Variants in EIF2AK1 observed in about 807,000 individuals in gnomAD.
The protein encoded by EIF2AK1 is eukaryotic translation initiation factor 2 alpha kinase 1.
Under a neutral mutation model 77.9 loss-of-function variants are expected in EIF2AK1, and 54 were observed. That is an observed-to-expected ratio of 0.69 (90% confidence interval 0.56 to 0.87). The LOEUF is 0.87. EIF2AK1 is among the 40% of genes least tolerant of loss of function. The pLI is 0.00. For missense variants in EIF2AK1, 810 were observed against 768.6 expected (o/e 1.05, Z -0.64); for synonymous variants, 314 against 290.5 (o/e 1.08, Z -0.82).
In EIF2AK1 at chr7:6,022,795, G is replaced by C. The variant is rs1340321738; in HGVS notation, c.*1878C>G. ...CACATTCAAGAACTTACCATCATAG[G>C]GACACTGAAGTTATCTTCTCATATG... On this transcript the variant is annotated 3_prime_UTR_variant, in exon 15 of 15. Transcript: ENST00000199389. 1 of 153,722 alleles carries C rather than the reference G, an allele frequency of 6.5e-6. No homozygotes were observed. Among genetic ancestry groups the C allele is most frequent in the Non-Finnish European group, 1.4e-5 (1 of 69,210 alleles). 9.5% of individuals were successfully genotyped at this position (153,722 alleles called of 1,614,324 possible).
Position 6,028,978 on chromosome 7 carries a change from CAA to C in EIF2AK1, c.1385_1386del (p.Phe462TrpfsTer44). 1 of 1,612,614 alleles carries C rather than the reference CAA, an allele frequency of 6.2e-7. No individual in the cohort carries two copies. The highest frequency in any genetic ancestry group is 8.5e-7 in the Non-Finnish European group (1 of 1,179,740). On this transcript the variant is annotated frameshift_variant, in exon 12 of 15. Coordinates refer to ENST00000199389, the MANE Select transcript of EIF2AK1 (RefSeq NM_014413.4). LOFTEE classifies it high-confidence loss of function. Reference protein sequence around the residue: ...GPDQQVKIGDFGLACTDILQK... With the variant: ...GPDQQVKIGDXGLACTDILQK... Reference sequence around the variant, plus strand: ...TGTAGGATGTCTGTGCAGGCCAGACCAAAGTCTCCTATTTTTACTTGCTGATC... The same window carrying C: ...TGTAGGATGTCTGTGCAGGCCAGACCAGTCTCCTATTTTTACTTGCTGATC...
intron 14 of EIF2AK1, 38 bp from the exon 15 acceptor site, chr7:6,024,839 C>CTTTTT: frequency 1.8e-6 from 2 of 1,112,646 alleles, no homozygotes; most frequent in Admixed American, 3.2e-5. Context: ...ATTAAAATAA[C>CTTTTT]TTTTTTTTTT....
chr7:6,032,785 A>C lies in EIF2AK1; in HGVS notation c.1333-3753T>G. 7.1e-7 allele frequency: 1 copy of C among 1,409,784 alleles called. No homozygotes were observed. The highest frequency in any genetic ancestry group is 2.0e-5 in the Admixed American group (1 of 49,406). 87.3% of individuals were successfully genotyped at this position (1,409,784 alleles called of 1,614,324 possible). A position where few individuals can be genotyped will look rare whatever the true frequency, so the allele number is the denominator to read the frequency against. ...TTTGAAACGGCAAGCTAACACAAAC[A>C]GTATTTTTAACTACACAGGGCCACT... On this transcript the variant is annotated intron_variant, in intron 11 of 14. Coordinates refer to ENST00000199389, the MANE Select transcript of EIF2AK1 (RefSeq NM_014413.4). The surrounding 1 kb of genome is among the most constrained non-coding windows in gnomAD (Gnocchi z 4.3).
At chr7:6,050,458 G>A (rs1239562293) in intron 2 of EIF2AK1, among the ~76,000 whole-genome samples, 1 of 152,034 alleles carries the variant, frequency 6.6e-6, no homozygotes, top group African/African-American at 2.4e-5. Context: ...ACCTCCCAAA[G>A]TGCTAGGATT....
rs1788117491 is a variant in EIF2AK1 at position 6,036,982 on chromosome 7, CT to C, written c.1332+441del. On this transcript the variant is annotated intron_variant, in intron 11 of 14. Transcript: ENST00000199389. The surrounding 1 kb of genome is among the most constrained non-coding windows in gnomAD (Gnocchi z 4.6). Reference sequence around the variant, plus strand: ...GTGGCTCACACCTGTAACCCCAGCACTTTGGGAGGTCAAGATGGGAGGATCA... The same window carrying C: ...GTGGCTCACACCTGTAACCCCAGCACTTGGGAGGTCAAGATGGGAGGATCA... 6.6e-6 allele frequency among the ~76,000 whole-genome samples: 1 copy of C among 152,114 alleles called. No individual in the cohort carries two copies. The highest frequency in any genetic ancestry group is 2.4e-5 in the African/African-American group (1 of 41,428).
chr7:6,056,611 AAAAT>A (rs1208467139), intron 1 of EIF2AK1, among the ~76,000 whole-genome samples: 3 of 31,160 alleles, frequency 9.6e-5, no homozygotes, highest in Non-Finnish European at 2.3e-4. Flanking sequence ...AAAAAAAAAA[AAAAT>A]ATATATATAT....
chr7:6,043,133 A>C, intron 7 of EIF2AK1, 140 bp from the exon 8 acceptor site: 4 of 828,510 alleles, frequency 4.8e-6, no homozygotes, highest in Non-Finnish European at 7.6e-6. Flanking sequence ...AAATACAAAA[A>C]GTTTATTCAA....
At chr7:6,042,391 C>T (rs532431933) in intron 8 of EIF2AK1, among the ~76,000 whole-genome samples, 1 of 149,476 alleles carries the variant, frequency 6.7e-6, no homozygotes, top group East Asian at 2.0e-4. Flanking sequence ...GCAGAGGTTG[C>T]AGTGAGCTGA....
intron 1 of EIF2AK1, among the ~76,000 whole-genome samples, chr7:6,056,609 A>AAAAAAAAAAAT (rs1788772426): frequency 3.7e-5 from 1 of 26,718 alleles, no homozygotes; most frequent in Non-Finnish European, 7.8e-5. Context: ...AAAAAAAAAA[A>AAAAAAAAAAAT]AAAAATATAT....
rs34851195 is a variant in EIF2AK1 at position 6,049,928 on chromosome 7, T to G, written c.395A>C (p.Lys132Thr). 6 of 1,611,426 alleles carry G rather than the reference T, an allele frequency of 3.7e-6. No homozygotes were observed. The highest frequency in any genetic ancestry group is 4.2e-6 in the Non-Finnish European group (5 of 1,179,468). Residue 132 changes from lysine (K) to threonine (T), a missense_variant, in exon 3 of 15, where the codon AAA becomes ACA. Physicochemically the swap from Lys to Thr is moderately conservative, Grantham distance 78. Transcript: ENST00000199389. ...AGGGCTTACCTGACGAACTCTCTCT[T>G]TAGCAGACCTCATTAAGTGAGTAAT... The part of the protein sequence containing the change: ...RAITHLMRSA[K>T]ERVRQDPCED...
chr7:6,031,954 A>G (rs1583479203), intron 11 of EIF2AK1, among the ~76,000 whole-genome samples: 1 of 152,156 alleles, frequency 6.6e-6, no homozygotes, highest in Non-Finnish European at 1.5e-5. Flanking sequence ...TGGGTGGATC[A>G]CCTGAGGTCA....
At position 6,032,729 on chromosome 7, in the gene EIF2AK1, A is replaced by T; in HGVS notation, c.1333-3697T>A. ...CAATGCACATACCAGAAAAAGAGTG[A>T]GCCAATGAGACACTAAATAAATGTA... On this transcript the variant is annotated intron_variant, in intron 11 of 14. Transcript: ENST00000199389. This position sits in a 1 kb window ranked among gnomAD's most constrained non-coding sequence, Gnocchi z 4.3. The T allele has an allele frequency of 1.3e-6, 1 of 799,596 alleles. No homozygotes were observed. The allele number at this position is 799,596 out of a possible 1,614,324, so 49.5% of individuals were successfully genotyped here. A position where few individuals can be genotyped will look rare whatever the true frequency, so the allele number is the denominator to read the frequency against.
chr7:6,040,988 C>T lies in EIF2AK1; in HGVS notation c.1023G>A (p.Gln341=). The change falls in exon 9 of 15, where the codon CAG becomes CAA. Residue 341 remains glutamine (Q), a synonymous_variant. Coordinates refer to ENST00000199389, the MANE Select transcript of EIF2AK1 (RefSeq NM_014413.4). ...GGGAATTACGCCTGAGTGGCAGCTG[C>T]TGTTCCACAATTGAACTGGCAGACA... ...AGLSASSIVE[Q]QLPLRRNSHL... 1 of 1,614,168 alleles carries T rather than the reference C, an allele frequency of 6.2e-7. No individual in the cohort carries two copies. Among genetic ancestry groups the T allele is most frequent in the Non-Finnish European group, 8.5e-7 (1 of 1,180,032 alleles).
rs1163523329 is a variant in EIF2AK1 at position 6,032,419 on chromosome 7, C to G, written c.1333-3387G>C. Among the ~76,000 whole-genome samples the G allele has an allele frequency of 6.6e-6, 1 of 152,078 alleles. No individual in the cohort carries two copies. Among genetic ancestry groups the G allele is most frequent in the Admixed American group, 6.6e-5 (1 of 15,256 alleles). On this transcript the variant is annotated intron_variant, in intron 11 of 14. Transcript: ENST00000199389. The surrounding 1 kb of genome is among the most constrained non-coding windows in gnomAD (Gnocchi z 4.3). Reference sequence around the variant, plus strand: ...CATATGCTGCGTTATATTTGAAAACCCTGAAGATTCAGGTTTTACTGCTGA... The same window carrying G: ...CATATGCTGCGTTATATTTGAAAACGCTGAAGATTCAGGTTTTACTGCTGA...
At position 6,027,160 on chromosome 7, in the gene EIF2AK1, C is replaced by T. The variant is rs966467832; in HGVS notation, c.1531-199G>A. ...CCTCAAAAAGGGGCATCCGTGGGCA[C>T]GCAGAATGGATGGTCAGGTGGAGGG... On this transcript the variant is annotated intron_variant, in intron 13 of 14. Coordinates refer to ENST00000199389, the MANE Select transcript of EIF2AK1 (RefSeq NM_014413.4). The surrounding 1 kb of genome is among the most constrained non-coding windows in gnomAD (Gnocchi z 4.5). 3.3e-5 allele frequency among the ~76,000 whole-genome samples: 5 copies of T among 152,090 alleles called. No homozygotes were observed. In the South Asian group the frequency reaches 6.2e-4, roughly 19 times the overall value.
At chr7:6,039,120 A>T (rs1788218148) in intron 9 of EIF2AK1, among the ~76,000 whole-genome samples, 1 of 152,210 alleles carries the variant, frequency 6.6e-6, no homozygotes. Context: ...GTCTGGCTTC[A>T]CGTTGTACAT....
At chr7:6,052,911 G>A (rs575528586) in intron 2 of EIF2AK1, among the ~76,000 whole-genome samples, 10 of 151,834 alleles carry the variant, frequency 6.6e-5, no homozygotes, top group East Asian at 1.9e-4. Context: ...TGCAGTGAGC[G>A]GAAATCGCGC....
At position 6,022,336 on chromosome 7, in the gene EIF2AK1, T is replaced by C. The variant is rs1787485578; in HGVS notation, c.*2337A>G. On this transcript the variant is annotated 3_prime_UTR_variant, in exon 15 of 15. Transcript: ENST00000199389. ...AAACGTGTTAATCAACTGTGATGGG[T>C]AAGGCTTCCCATGAATAGTAGGCTA... 1.3e-5 allele frequency: 2 copies of C among 152,216 alleles called. No individual in the cohort carries two copies. The highest frequency in any genetic ancestry group is 4.1e-4 in the South Asian group (2 of 4,828). The allele number at this position is 152,216 out of a possible 1,614,324, so 9.4% of individuals were successfully genotyped here. A position where few individuals can be genotyped will look rare whatever the true frequency, so the allele number is the denominator to read the frequency against.
At chr7:6,048,981 C>A (rs1788521013) in intron 3 of EIF2AK1, 137 bp from the exon 4 acceptor site, 6 of 600,640 alleles carry the variant, frequency 1.0e-5, no homozygotes, top group Middle Eastern at 4.4e-4. Context: ...TTCAGTATTA[C>A]TTAAGAGTTT....
Sources: allele counts gnomAD v4.1 joint callset (sites outside exome capture counted in the v4.1 genomes callset), GRCh38; gene constraint gnomAD v4.1.1; non-coding constraint Gnocchi (gnomAD v3.1); transcripts MANE v1.5; gene names NCBI Gene and HGNC (gene_info 2026-07-23, HGNC 2026-07-21).